Variants in RALGPS2 observed in about 807,000 individuals in gnomAD.
RALGPS2 encodes ras-specific guanine nucleotide-releasing factor RalGPS2.
A neutral mutation model predicts 86.8 loss-of-function variants in RALGPS2; 43 were observed. The ratio of observed to expected loss-of-function variants is 0.50; its 90% CI spans 0.39 to 0.64. RALGPS2 has a LOEUF of 0.64. RALGPS2 is among the 30% of genes least tolerant of loss of function. The pLI is 0.00. For missense variants in RALGPS2, 536 were observed against 694.6 expected, an observed-to-expected ratio of 0.77 and a Z score of 2.57; for synonymous variants, 243 against 231.3, an observed-to-expected ratio of 1.05 and a Z score of -0.46.
In RALGPS2 at chr1:178,921,080, G is replaced by A. The variant is rs1647281564; in HGVS notation, c.*4721G>A. ...ACTGGATGTTAACCTGAATCAAGAT[G>A]TTCTTTTCACATTTTTTTAAAGGGC... On this transcript the variant is annotated 3_prime_UTR_variant, in exon 20 of 20. Coordinates refer to ENST00000367635, the MANE Select transcript of RALGPS2 (RefSeq NM_152663.5). 1 of 151,966 alleles carries A rather than the reference G, an allele frequency of 6.6e-6. No individual in the cohort carries two copies. The highest frequency in any genetic ancestry group is 1.5e-5 in the Non-Finnish European group (1 of 67,896). 9.4% of individuals were successfully genotyped at this position (151,966 alleles called of 1,614,324 possible).
chr1:178,802,478 G>A (rs1040935359), intron 4 of RALGPS2, among the ~76,000 whole-genome samples: 1 of 152,034 alleles, frequency 6.6e-6, no homozygotes, highest in Non-Finnish European at 1.5e-5. Context: ...CACTAAACAC[G>A]ATGAAAAATA....
chr1:178,897,993 C>A (rs915746992), intron 17 of RALGPS2, among the ~76,000 whole-genome samples: 1 of 151,932 alleles, frequency 6.6e-6, no homozygotes, highest in Non-Finnish European at 1.5e-5. Flanking sequence ...TCTGGAGTTT[C>A]CTGTTCAATA....
intron 2 of RALGPS2, among the ~76,000 whole-genome samples, chr1:178,777,999 T>C (rs1323984934): frequency 2.1e-5 from 3 of 143,854 alleles, no homozygotes; most frequent in East Asian, 2.0e-4. Flanking sequence ...ACTTCATGTC[T>C]AAAACACCAA....
intron 1 of RALGPS2, among the ~76,000 whole-genome samples, chr1:178,766,543 G>A (rs1652517359): frequency 6.6e-6 from 1 of 152,072 alleles, no homozygotes; most frequent in Non-Finnish European, 1.5e-5. Context: ...TGTCTTTATA[G>A]CAGTGTGAGA....
chr1:178,789,588 G>A (rs1452787386), intron 4 of RALGPS2, among the ~76,000 whole-genome samples: 1 of 152,216 alleles, frequency 6.6e-6, no homozygotes, highest in Non-Finnish European at 1.5e-5. Context: ...TGACATGCCT[G>A]TTAGACAGCC....
rs1217048808 is a variant in RALGPS2 at position 178,902,144 on chromosome 1, A to G, written c.1563A>G (p.Gly521=). 10 of 1,612,798 alleles carry G rather than the reference A, an allele frequency of 6.2e-6. No homozygotes were observed. Among genetic ancestry groups the G allele is most frequent in the Non-Finnish European group, 7.6e-6 (9 of 1,179,154 alleles). The change falls in exon 18 of 20, where the codon GGA becomes GGG. Residue 521 remains glycine, a synonymous_variant. Transcript: ENST00000367635. ...STSNKNVSVI[G]WMVMMADDPE... ...CCAATAAGAACGTATCTGTGATAGG[A>G]TGGATGGTGATGATGGCTGATGACC...
chr1:178,780,399 C>T (rs1263530922), intron 2 of RALGPS2, among the ~76,000 whole-genome samples: 1 of 152,042 alleles, frequency 6.6e-6, no homozygotes, highest in Non-Finnish European at 1.5e-5. Flanking sequence ...TTGGGTGTTG[C>T]ACTTATATTT....
intron 8 of RALGPS2, among the ~76,000 whole-genome samples, chr1:178,848,972 T>G (rs1657010355): frequency 6.6e-6 from 1 of 152,206 alleles, no homozygotes; most frequent in Non-Finnish European, 1.5e-5. Context: ...ACCTACTCTA[T>G]GCAAGGTGCT....
At chr1:178,908,401 G>A (rs1286028090) in intron 19 of RALGPS2, among the ~76,000 whole-genome samples, 1 of 152,200 alleles carries the variant, frequency 6.6e-6, no homozygotes, top group African/African-American at 2.4e-5. Flanking sequence ...GAACATACAT[G>A]TGTCTTTTTG....
intron 17 of RALGPS2, among the ~76,000 whole-genome samples, chr1:178,899,653 G>GTTTTTTTTTTTTTT (rs57623890): frequency 1.4e-5 from 2 of 140,556 alleles, no homozygotes; most frequent in Non-Finnish European, 1.6e-5. Flanking sequence ...TTTGGTTTTG[G>GTTTTTTTTTTTTTT]TTTTTTTTTT....
At chr1:178,854,178 A>G (rs1657374722) in intron 8 of RALGPS2, among the ~76,000 whole-genome samples, 1 of 152,142 alleles carries the variant, frequency 6.6e-6, no homozygotes. Flanking sequence ...TATTATAAAA[A>G]CACTGCACAA....
intron 8 of RALGPS2, among the ~76,000 whole-genome samples, chr1:178,849,253 C>T (rs1360021982): frequency 6.6e-6 from 1 of 152,174 alleles, no homozygotes; most frequent in Non-Finnish European, 1.5e-5. Context: ...TCAGAACCTA[C>T]ACTAACTATC....
At chr1:178,853,654 A>C (rs1294854241) in intron 8 of RALGPS2, 3 of 1,611,748 alleles carry the variant, frequency 1.9e-6, no homozygotes, top group African/African-American at 2.7e-5. Context: ...TCTGAATAAC[A>C]GTCCAACCCC....
At chr1:178,762,783 T>G (rs1026842164) in intron 1 of RALGPS2, among the ~76,000 whole-genome samples, 3 of 152,238 alleles carry the variant, frequency 2.0e-5, no homozygotes, top group African/African-American at 7.2e-5. Flanking sequence ...AAATATTTTC[T>G]TCCATTCTCT....
In RALGPS2 at chr1:178,743,968, C is replaced by G. The variant is rs1298507189; in HGVS notation, c.-84+18549C>G. Among the ~76,000 whole-genome samples the G allele has an allele frequency of 4.6e-5, 7 of 152,108 alleles. 1 individual carries two copies. Among genetic ancestry groups the G allele is most frequent in the Admixed American group, 4.6e-4 (7 of 15,270 alleles). ...TAAGACCAGTTCTATACAAACACTT[C>G]CAGAAAATTGTAGAGGAAGAAGTAC... On this transcript the variant is annotated intron_variant, in intron 1 of 19. Transcript: ENST00000367635.
At chr1:178,749,027 G>T (rs990008369) in intron 1 of RALGPS2, among the ~76,000 whole-genome samples, 4 of 151,972 alleles carry the variant, frequency 2.6e-5, no homozygotes, top group African/African-American at 9.7e-5. Context: ...TGAGGTGGAC[G>T]GAGTCTTGCT....
intron 17 of RALGPS2, among the ~76,000 whole-genome samples, chr1:178,901,678 A>G (rs908230117): frequency 3.3e-5 from 5 of 150,696 alleles, no homozygotes; most frequent in African/African-American, 7.4e-5. Flanking sequence ...ACAGAGTGAG[A>G]CTGTCTCAAA....
At chr1:178,877,707 G>C (rs986349385) in intron 9 of RALGPS2, 72 bp downstream of exon 9, 37 of 1,546,868 alleles carry the variant, frequency 2.4e-5, no homozygotes, top group Non-Finnish European at 3.0e-5. Flanking sequence ...ACACACTGAT[G>C]ATCACTTTTC....
intron 1 of RALGPS2, among the ~76,000 whole-genome samples, chr1:178,743,467 T>C (rs1446026396): frequency 1.3e-5 from 2 of 152,158 alleles, no homozygotes; most frequent in African/African-American, 4.8e-5. Flanking sequence ...ATGAAAGCAA[T>C]TACAGTAAAG....
Sources: allele counts gnomAD v4.1 joint callset (sites outside exome capture counted in the v4.1 genomes callset), GRCh38; gene constraint gnomAD v4.1.1; transcripts MANE v1.5; gene names NCBI Gene and HGNC (gene_info 2026-07-23, HGNC 2026-07-21).